CNOT2: variants seen among roughly 807,000 people sequenced by gnomAD.
CNOT2 encodes the protein CC chemokine receptor 4-negative regulator of transcription 2.
In CNOT2, 7 loss-of-function variants were observed where a neutral mutation model predicts 72.1. The observed-to-expected ratio is 0.10, with a 90% CI of 0.06 to 0.18. The LOEUF is 0.18. Ranked by LOEUF, CNOT2 falls within the 10% of genes least tolerant of loss-of-function variation. CNOT2 has a pLI of 1.00. For synonymous variants in CNOT2, 196 were observed against 225.6 expected, an observed-to-expected ratio of 0.87 and a Z score of 1.17; for missense variants, 345 against 660.3, an observed-to-expected ratio of 0.52 and a Z score of 5.23.
Position 70,256,193 on chromosome 12 carries a change from A to T in CNOT2, c.-96+12713A>T, listed in dbSNP as rs1191044108. On this transcript the variant is annotated intron_variant, in intron 1 of 15. Coordinates refer to ENST00000229195, the MANE Select transcript of CNOT2 (RefSeq NM_014515.7). The stretch of plus-strand genomic sequence containing the variant: ...TTCCAGCCTTGGACCAAAAATGTAC[A>T]TGCTAAAATATCAAGACAAGGCAAA... 2.0e-5 allele frequency among the ~76,000 whole-genome samples: 3 copies of T among 152,202 alleles called. No homozygotes were observed. In the East Asian group the frequency reaches 5.8e-4, roughly 29 times the overall value.
At chr12:70,333,522 A>T (rs1364390315) in intron 7 of CNOT2, among the ~76,000 whole-genome samples, 2 of 151,906 alleles carry the variant, frequency 1.3e-5, no homozygotes, top group Non-Finnish European at 2.9e-5. Flanking sequence ...CTGAGAAAGG[A>T]AATAAAGGAT....
intron 1 of CNOT2, among the ~76,000 whole-genome samples, chr12:70,270,486 A>G (rs1393102367): frequency 6.6e-6 from 1 of 152,066 alleles, no homozygotes; most frequent in Non-Finnish European, 1.5e-5. Flanking sequence ...TACTTCTTTG[A>G]TTCTAGGTTT....
chr12:70,311,872 A>G (rs548478866), intron 3 of CNOT2, among the ~76,000 whole-genome samples: 67 of 152,100 alleles, frequency 4.4e-4, no homozygotes, highest in African/African-American at 1.5e-3. Flanking sequence ...AAGCATTTAT[A>G]AAGTTCTAAG....
At chr12:70,351,046 T>C (rs950515459) in intron 15 of CNOT2, among the ~76,000 whole-genome samples, 4 of 152,184 alleles carry the variant, frequency 2.6e-5, no homozygotes, top group African/African-American at 9.6e-5. Flanking sequence ...AACTAAGGTA[T>C]GAAAAAGTTG....
At chr12:70,334,526 A>T (rs535004491) in intron 7 of CNOT2, 1 of 152,210 alleles carries the variant, frequency 6.6e-6, no homozygotes, top group East Asian at 1.9e-4. Context: ...GGGAAGTGGC[A>T]AAATAAATTG....
intron 2 of CNOT2, among the ~76,000 whole-genome samples, chr12:70,302,329 TC>T (rs1874185299): frequency 6.6e-6 from 1 of 151,914 alleles, no homozygotes; most frequent in Non-Finnish European, 1.5e-5. Context: ...TTTAGATCTT[TC>T]CTGCTTTCTC....
At chr12:70,307,796 A>G (rs920555660) in intron 2 of CNOT2, 1 of 151,150 alleles carries the variant, frequency 6.6e-6, no homozygotes, top group South Asian at 2.1e-4. Flanking sequence ...ACTACTCACC[A>G]CCCTATTAGG....
chr12:70,338,411 T>C lies in CNOT2; in HGVS notation c.901-32T>C, dbSNP rs760112056. 5 of 1,578,410 alleles carry C rather than the reference T, an allele frequency of 3.2e-6. No individual in the cohort carries two copies. In the South Asian group the frequency reaches 3.5e-5, roughly 11 times the overall value. ...ACTTGAATTTGTATACTTAACAAATTTTAATGTCACATTTAATTTTTTTCA... is the reference window on the plus strand; with the variant it reads ...ACTTGAATTTGTATACTTAACAAATCTTAATGTCACATTTAATTTTTTTCA... On this transcript the variant is annotated intron_variant, in intron 9 of 15. Coordinates refer to ENST00000229195, the MANE Select transcript of CNOT2 (RefSeq NM_014515.7).
intron 1 of CNOT2, among the ~76,000 whole-genome samples, chr12:70,271,791 A>G (rs912402901): frequency 3.3e-5 from 5 of 152,200 alleles, no homozygotes; most frequent in African/African-American, 1.2e-4. Context: ...ACAGCTATTA[A>G]AAAATTAGAA....
At chr12:70,338,048 ATCTT>A in intron 9 of CNOT2, 1 of 223,678 alleles carries the variant, frequency 4.5e-6, no homozygotes, top group Non-Finnish European at 8.8e-6. Flanking sequence ...TGTCTAACTT[ATCTT>A]CAAGGTAGCT....
In CNOT2 at chr12:70,330,437, G is replaced by A; in HGVS notation, c.537G>A (p.Gln179=). ...SSPSIICMPK[Q]QPSRQPFTVN... ...CAAGCATAATATGTATGCCAAAGCAGCAGCCTTCTCGACAGCCTTTTACTG... is the reference window on the plus strand; with the variant it reads ...CAAGCATAATATGTATGCCAAAGCAACAGCCTTCTCGACAGCCTTTTACTG... Residue 179 remains glutamine (Q), a synonymous_variant, in exon 6 of 16, where the codon CAG becomes CAA. Coordinates refer to ENST00000229195, the MANE Select transcript of CNOT2 (RefSeq NM_014515.7). 6.2e-7 allele frequency: 1 copy of A among 1,612,384 alleles called. No individual in the cohort carries two copies. Among genetic ancestry groups the A allele is most frequent in the Non-Finnish European group, 8.5e-7 (1 of 1,178,934 alleles).
At chr12:70,284,355 G>A (rs901717123) in intron 2 of CNOT2, among the ~76,000 whole-genome samples, 16 of 150,808 alleles carry the variant, frequency 1.1e-4, no homozygotes, top group Non-Finnish European at 2.1e-4. Flanking sequence ...AGCAATTTTC[G>A]TGCCTCAGCC....
intron 4 of CNOT2, among the ~76,000 whole-genome samples, chr12:70,325,847 T>C (rs1878993756): frequency 6.6e-6 from 1 of 151,784 alleles, no homozygotes; most frequent in Non-Finnish European, 1.5e-5. Context: ...CCTATAAAGA[T>C]TTTAGGGGAC....
chr12:70,289,127 A>T (rs995692801), intron 2 of CNOT2, among the ~76,000 whole-genome samples: 15 of 151,010 alleles, frequency 9.9e-5, no homozygotes, highest in East Asian at 3.9e-4. Context: ...GGATTAAAAA[A>T]TTTTTTTTCT....
At chr12:70,321,726 G>A (rs924318423) in intron 4 of CNOT2, 3 of 151,766 alleles carry the variant, frequency 2.0e-5, no homozygotes, top group East Asian at 3.9e-4. Flanking sequence ...GGTTAGAAAG[G>A]TTAGAGGTGG....
At chr12:70,268,791 C>A (rs576110637) in intron 1 of CNOT2, among the ~76,000 whole-genome samples, 65 of 152,014 alleles carry the variant, frequency 4.3e-4, no homozygotes, top group African/African-American at 1.5e-3. Context: ...ACTCCTGTTT[C>A]TATGTAGTGG....
chr12:70,295,333 AG>A (rs146111405), intron 2 of CNOT2, among the ~76,000 whole-genome samples: 2,030 of 152,286 alleles, frequency 0.013, 43 homozygotes, highest in African/African-American at 0.046. Context: ...ATCAAAATAC[AG>A]ACTTCCCAGC....
rs147630475 is a variant in CNOT2, at chr12:70,327,959, T to C, written c.239-1464T>C. Among the ~76,000 whole-genome samples, 454 of 151,898 alleles carry C rather than the reference T, an allele frequency of 3.0e-3. 1 individual carries two copies. Among genetic ancestry groups the C allele is most frequent in the Non-Finnish European group, 5.0e-3 (340 of 67,864 alleles). On this transcript the variant is annotated intron_variant, in intron 4 of 15. Coordinates refer to ENST00000229195, the MANE Select transcript of CNOT2 (RefSeq NM_014515.7). ...TTAATCCTTATTCTTCCTTATTTTG[T>C]CCCAGATTCAAAGAAAGTGGCTTCA...
intron 1 of CNOT2, among the ~76,000 whole-genome samples, chr12:70,272,586 C>A (rs903462606): frequency 5.3e-5 from 8 of 152,138 alleles, no homozygotes; most frequent in Admixed American, 6.5e-5. Flanking sequence ...ACCGTTAAGT[C>A]TGTTGCTTCT....
Sources: allele counts gnomAD v4.1 joint callset (sites outside exome capture counted in the v4.1 genomes callset), GRCh38; gene constraint gnomAD v4.1.1; transcripts MANE v1.5; gene names NCBI Gene and HGNC (gene_info 2026-07-23, HGNC 2026-07-21).